The following FHIP1B variants were observed in gnomAD, a reference collection of about 807,000 sequenced individuals.
FHIP1B encodes the protein FHF complex subunit HOOK interacting protein 1B, also known as FHF complex subunit HOOK-interacting protein 1B.
A neutral mutation model predicts 82.2 loss-of-function variants in FHIP1B; 28 were observed. The observed-to-expected ratio is 0.34, with a 90% confidence interval of 0.25 to 0.47. The LOEUF (loss-of-function observed/expected upper bound fraction) is 0.47. Ranked by LOEUF, FHIP1B falls within the 20% of genes least tolerant of loss-of-function variation. FHIP1B has a pLI of 1.00. For missense variants in FHIP1B, 1,110 were observed against 1,262.6 expected (o/e 0.88, Z 1.83); for synonymous variants, 585 against 516.1 (o/e 1.13, Z -1.81).
At chr11:6,229,041 C>T (rs1407410234) in intron 1 of FHIP1B, among the ~76,000 whole-genome samples, 1 of 152,214 alleles carries the variant, frequency 6.6e-6, no homozygotes, top group Non-Finnish European at 1.5e-5. Flanking sequence ...AAACTCTTCC[C>T]AAACCCAGCT....
intron 6 of FHIP1B, 151 bp downstream of exon 6, chr11:6,222,291 A>G (rs1847431158): frequency 1.2e-6 from 1 of 833,050 alleles, no homozygotes; most frequent in Non-Finnish European, 1.9e-6. Context: ...AAAATGGTTA[A>G]AAGTTTAATG....
intron 4 of FHIP1B, 64 bp from the exon 5 acceptor site, chr11:6,222,961 A>G (rs1847456532): frequency 5.7e-6 from 9 of 1,584,596 alleles, no homozygotes; most frequent in African/African-American, 1.3e-5. Flanking sequence ...AGGGAGTAGA[A>G]TAGTACACTA....
chr11:6,228,633 A>G (rs1020714030), intron 1 of FHIP1B, among the ~76,000 whole-genome samples: 1 of 152,272 alleles, frequency 6.6e-6, no homozygotes, highest in Non-Finnish European at 1.5e-5. Context: ...GAAGAAAGAC[A>G]GAAGCTAACA....
intron 11 of FHIP1B, among the ~76,000 whole-genome samples, chr11:6,214,062 A>G (rs1040573603): frequency 1.3e-5 from 2 of 149,986 alleles, no homozygotes; most frequent in South Asian, 2.1e-4. Context: ...AAAAAAAAAA[A>G]AGATTCCCCA....
intron 9 of FHIP1B, chr11:6,216,964 A>C: frequency 1.6e-6 from 1 of 643,310 alleles, no homozygotes; most frequent in Non-Finnish European, 2.8e-6. Context: ...ACGGAATGGC[A>C]TAGAGAGTGT....
In FHIP1B at chr11:6,218,037, G is replaced by C; in HGVS notation, c.1549C>G (p.Pro517Ala). 1.2e-6 allele frequency: 2 copies of C among 1,613,566 alleles called. No individual in the cohort carries two copies. Among genetic ancestry groups the C allele is most frequent in the Non-Finnish European group, 1.7e-6 (2 of 1,179,792 alleles). The change falls in exon 9 of 12, where the codon CCA (proline) becomes GCA (alanine). Residue 517 changes from proline (P) to alanine (A), a missense_variant. Around this residue, in one of 6 missense-constraint regions of FHIP1B, gnomAD observed 418 missense variants for 371.4 expected, o/e 1.13. Transcript: ENST00000449352. ...CCTGGTGAGCAAGGGGCTGGGCCTG[G>C]AGACTCAGAGCCACCCAGGCTCTGC... is the stretch of plus-strand genomic sequence containing the variant. ...RQQSLGGSES[P>A]GPAPCSPGLS...
rs1847292615 is a variant in FHIP1B at position 6,217,990 on chromosome 11, G to A, written c.1596C>T (p.Ser532=). 1 of 1,613,474 alleles carries A rather than the reference G, an allele frequency of 6.2e-7. No homozygotes were observed. The highest frequency in any genetic ancestry group is 1.3e-5 in the African/African-American group (1 of 74,916). ...CSPGLSASPA[S]SPGRRPTPAE... is the part of the protein sequence containing the mutation. ...CAGGGGTAGGCCGTCGGCCAGGGCT[G>A]GAGGCGGGGGATGCAGAAAGCCCTG... is the stretch of plus-strand genomic sequence containing the variant. The change falls in exon 9 of 12, where the codon TCC becomes TCT. Residue 532 remains serine, a synonymous_variant. Transcript: ENST00000449352.
At chr11:6,231,369 T>C (rs548544909) in intron 1 of FHIP1B, among the ~76,000 whole-genome samples, 30 of 151,664 alleles carry the variant, frequency 2.0e-4, no homozygotes, top group Non-Finnish European at 3.8e-4. Context: ...AATTTTGAGA[T>C]ACTTGTGGAG....
Position 6,214,836 on chromosome 11 carries a change from G to A in FHIP1B, c.2291C>T (p.Thr764Met), listed in dbSNP as rs1235307386. The A allele has an allele frequency of 1.9e-6, 3 of 1,612,348 alleles. No homozygotes were observed. Among genetic ancestry groups the A allele is most frequent in the Admixed American group, 1.7e-5 (1 of 59,732 alleles). ...QNSVYVNFLL[T>M]GLVAQLACHP... ...ACAGGCCAGCTGGGCCACCAGCCCC[G>A]TCAGCAGGAAGTTGACATAGACGGA... Residue 764 changes from threonine (T) to methionine (M), a missense_variant, in exon 10 of 12, where the codon ACG becomes ATG. By Grantham distance (81) the Thr-to-Met change is moderately conservative. Around this residue, in one of 6 missense-constraint regions of FHIP1B, gnomAD observed 39 missense variants for 79.6 expected, o/e 0.49. Coordinates refer to ENST00000449352, the MANE Select transcript of FHIP1B (RefSeq NM_001098794.2).
Position 6,217,774 on chromosome 11 carries a change from G to A in FHIP1B, c.1812C>T (p.Asn604=), listed in dbSNP as rs1564860822. The A allele has an allele frequency of 1.3e-6, 2 of 1,581,434 alleles. No individual in the cohort carries two copies. Among genetic ancestry groups the A allele is most frequent in the African/African-American group, 2.8e-5 (2 of 72,630 alleles). The change falls in exon 9 of 12, where the codon AAC becomes AAT. Residue 604 remains asparagine, a synonymous_variant. Transcript: ENST00000449352. The part of the protein sequence containing the change: ...KRSLLPEEDR[N]NVGEGEEEEL... ...CTTCCTCCTCCCCTTCCCCCACGTT[G>A]TTCCTGTCCTCCTCAGGCAGTAGGC...
rs553286788 is a variant in FHIP1B, at chr11:6,211,347, G to C, written c.*159C>G. 8.7e-5 allele frequency: 99 copies of C among 1,140,764 alleles called. 1 individual carries two copies. The South Asian group carries it at 1.7e-3, about 19-fold the overall frequency. 70.7% of individuals were successfully genotyped at this position (1,140,764 alleles called of 1,614,324 possible). ...GGGAAAGAAAAATGAGCACAGAATA[G>C]AGATTTCCCTTTTATACATATTGCA... On this transcript the variant is annotated 3_prime_UTR_variant, in exon 12 of 12. Transcript: ENST00000449352.
Position 6,217,786 on chromosome 11 carries a change from C to T in FHIP1B, c.1800G>A (p.Glu600=). ...CTTCCCCCACGTTGTTCCTGTCCTC[C>T]TCAGGCAGTAGGCTGCGTTTCTTAG... The part of the protein sequence containing the change: ...SRTKKRSLLP[E]EDRNNVGEGE... The change falls in exon 9 of 12, where the codon GAG becomes GAA. Residue 600 remains glutamate (E), a synonymous_variant. Transcript: ENST00000449352. 6.2e-7 allele frequency: 1 copy of T among 1,611,252 alleles called. No individual in the cohort carries two copies. The highest frequency in any genetic ancestry group is 8.5e-7 in the Non-Finnish European group (1 of 1,178,374).
rs971273193 is a variant in FHIP1B, at chr11:6,215,815, T to G, written c.2216-904A>C. On this transcript the variant is annotated intron_variant, in intron 9 of 11. Coordinates refer to ENST00000449352, the MANE Select transcript of FHIP1B (RefSeq NM_001098794.2). The stretch of plus-strand genomic sequence containing the variant: ...CAGTCCTTCTGATTAGGGATTTTTT[T>G]GGGGAAAGGGAGTATATATCTAAGA... Among the ~76,000 whole-genome samples the G allele has an allele frequency of 4.6e-5, 7 of 152,154 alleles. No individual in the cohort carries two copies. The South Asian group carries it at 8.3e-4, about 18-fold the overall frequency.
At chr11:6,234,418 A>T (rs1244184386) in intron 1 of FHIP1B, 126 bp downstream of exon 1, 1 of 152,474 alleles carries the variant, frequency 6.6e-6, no homozygotes, top group East Asian at 1.9e-4. Flanking sequence ...TATCTTAGAC[A>T]CTCACACCCG....
At chr11:6,221,841 A>G (rs1192293841) in intron 6 of FHIP1B, among the ~76,000 whole-genome samples, 1 of 152,170 alleles carries the variant, frequency 6.6e-6, no homozygotes. Context: ...TGTCTTCTCT[A>G]CAAAGTAAGC....
chr11:6,230,272 G>A (rs991870474), intron 1 of FHIP1B, among the ~76,000 whole-genome samples: 6 of 152,224 alleles, frequency 3.9e-5, no homozygotes, highest in Non-Finnish European at 8.8e-5. Context: ...ACATTGGACA[G>A]AGAGACCAAA....
At chr11:6,228,960 G>A (rs1253930491) in intron 1 of FHIP1B, among the ~76,000 whole-genome samples, 3 of 152,158 alleles carry the variant, frequency 2.0e-5, no homozygotes, top group South Asian at 2.1e-4. Context: ...TATTAGCCCT[G>A]GGATACTGTA....
intron 4 of FHIP1B, 90 bp from the exon 5 acceptor site, chr11:6,222,987 C>T: frequency 1.3e-6 from 2 of 1,577,256 alleles, no homozygotes; most frequent in Non-Finnish European, 1.7e-6. Context: ...AGGCATCCTA[C>T]TTCCAAGATG....
chr11:6,225,885 T>C (rs1312166135), intron 1 of FHIP1B, among the ~76,000 whole-genome samples: 1 of 151,868 alleles, frequency 6.6e-6, no homozygotes, highest in Non-Finnish European at 1.5e-5. Flanking sequence ...CACATTCCCA[T>C]CTCCACTCCT....
Sources: gnomAD v4.1 joint callset for allele counts (sites outside exome capture counted in the v4.1 genomes callset) on GRCh38, gnomAD v4.1.1 for gene constraint, gnomAD v4.1.1 regional missense constraint, MANE v1.5 for transcripts, NCBI Gene and HGNC (gene_info 2026-07-23, HGNC 2026-07-21) for gene names.